Variants in PPARG observed in about 807,000 individuals in gnomAD.
PPARG encodes the protein peroxisome proliferator-activated receptor gamma.
A neutral mutation model predicts 39.2 loss-of-function variants in PPARG; 17 were observed. The ratio of observed to expected loss-of-function variants is 0.43; its 90% CI spans 0.30 to 0.65. PPARG has a LOEUF of 0.65. Among genes scored for constraint, PPARG ranks in the 30% least tolerant of loss-of-function variants. The pLI, the probability that PPARG is intolerant of heterozygous loss-of-function variation, is 0.13. For synonymous variants in PPARG, 223 were observed against 215.7 expected, an observed-to-expected ratio of 1.03 and a Z score of -0.30; for missense variants, 406 against 585.9, an observed-to-expected ratio of 0.69 and a Z score of 3.17.
intron 1 of PPARG, among the ~76,000 whole-genome samples, chr3:12,305,537 A>G (rs1188453455): frequency 1.3e-5 from 2 of 152,248 alleles, no homozygotes; most frequent in Non-Finnish European, 2.9e-5. Flanking sequence ...AAATGCAGAT[A>G]TAGCAGATGT....
At chr3:12,349,786 A>G (rs2048429044) in intron 2 of PPARG, among the ~76,000 whole-genome samples, 1 of 152,228 alleles carries the variant, frequency 6.6e-6, no homozygotes, top group Admixed American at 6.5e-5. Context: ...GTGTTATCAG[A>G]TTCTGATGCT....
intron 7 of PPARG, among the ~76,000 whole-genome samples, 178 bp from the exon 8 acceptor site, chr3:12,433,720 A>G (rs183109508): frequency 4.1e-4 from 62 of 152,230 alleles, no homozygotes; most frequent in African/African-American, 1.4e-3. Context: ...TTCTGATTCC[A>G]TCCTTAGTTC....
intron 4 of PPARG, among the ~76,000 whole-genome samples, chr3:12,389,648 T>C (rs1023760456): frequency 6.6e-5 from 10 of 152,124 alleles, no homozygotes; most frequent in Admixed American, 6.6e-4. Flanking sequence ...CTCAGGCCTT[T>C]GGGAGGCCAA....
At chr3:12,367,651 A>G (rs550135659) in intron 2 of PPARG, among the ~76,000 whole-genome samples, 7 of 151,936 alleles carry the variant, frequency 4.6e-5, no homozygotes, top group African/African-American at 1.2e-4. Flanking sequence ...GAGTTTGAGA[A>G]TAGCCTGGGC....
intron 2 of PPARG, among the ~76,000 whole-genome samples, chr3:12,321,501 A>C (rs1291630420): frequency 6.6e-6 from 1 of 152,192 alleles, no homozygotes; most frequent in Non-Finnish European, 1.5e-5. Flanking sequence ...GATCGCTGCT[A>C]CTATAAATTT....
At chr3:12,325,605 A>AT (rs1263234170) in intron 2 of PPARG, among the ~76,000 whole-genome samples, 11 of 147,700 alleles carry the variant, frequency 7.4e-5, no homozygotes, top group Admixed American at 2.0e-4. Context: ...TGTCTCAAAA[A>AT]AAAATAAATA....
At chr3:12,417,824 G>T (rs1344147285) in intron 7 of PPARG, among the ~76,000 whole-genome samples, 1 of 144,426 alleles carries the variant, frequency 6.9e-6, no homozygotes, top group Admixed American at 7.0e-5. Flanking sequence ...AGTAGTACAT[G>T]ATCTGACTAA....
chr3:12,406,111 G>A (rs1327163500), intron 6 of PPARG, 30 bp downstream of exon 6: 1 of 1,608,226 alleles, frequency 6.2e-7, no homozygotes, highest in African/African-American at 1.3e-5. Context: ...CTTCATTGGG[G>A]GAGGCGGGAA....
intron 1 of PPARG, among the ~76,000 whole-genome samples, chr3:12,308,763 G>A (rs1421178228): frequency 6.6e-6 from 1 of 152,040 alleles, no homozygotes; most frequent in East Asian, 1.9e-4. Context: ...TCTGCAAAGA[G>A]AGCCAGTTAA....
At chr3:12,313,347 A>G (rs1322015833) in intron 2 of PPARG, among the ~76,000 whole-genome samples, 1 of 152,216 alleles carries the variant, frequency 6.6e-6, no homozygotes, top group Non-Finnish European at 1.5e-5. Flanking sequence ...ACTCCCCAGT[A>G]GCAAACTAGA....
intron 1 of PPARG, among the ~76,000 whole-genome samples, chr3:12,308,957 A>G (rs1415126098): frequency 6.6e-6 from 1 of 152,208 alleles, no homozygotes; most frequent in Non-Finnish European, 1.5e-5. Flanking sequence ...AAGTTTGAGA[A>G]CCATTGAATT....
intron 2 of PPARG, among the ~76,000 whole-genome samples, chr3:12,345,658 A>G (rs1278037142): frequency 5.3e-5 from 8 of 152,188 alleles, no homozygotes; most frequent in Admixed American, 5.2e-4. Flanking sequence ...AAAAATTAAG[A>G]GTTGGAATAT....
chr3:12,338,412 A>C (rs73025230), intron 2 of PPARG, among the ~76,000 whole-genome samples: 13,322 of 152,186 alleles, frequency 0.088, 722 homozygotes, highest in Admixed American at 0.17. Context: ...CTATATAGAT[A>C]TCTCTCTCTT....
intron 3 of PPARG, 74 bp downstream of exon 3, chr3:12,380,005 A>T: frequency 8.0e-7 from 1 of 1,254,558 alleles, no homozygotes; most frequent in East Asian, 2.3e-5. Flanking sequence ...CCTGTAATAA[A>T]TAATGCTCCA....
rs535333402 is a variant in PPARG, at chr3:12,400,128, A to G, written c.530-5754A>G. On this transcript the variant is annotated intron_variant, in intron 5 of 7. Coordinates refer to ENST00000651735, the MANE Select transcript of PPARG (RefSeq NM_138711.6). ...CTTACTATTTTTCAAAAGCCTGATA[A>G]TGATTGCAAATTCATCCCTTAGATG... Among the ~76,000 whole-genome samples, 86 of 152,224 alleles carry G rather than the reference A, an allele frequency of 5.6e-4. 1 individual carries two copies. The highest frequency in any genetic ancestry group is 6.3e-4 in the Non-Finnish European group (43 of 68,034).
At chr3:12,406,765 A>G (rs2125256127) in intron 6 of PPARG, 1 of 151,816 alleles carries the variant, frequency 6.6e-6, no homozygotes, top group South Asian at 2.1e-4. Context: ...GTCTAGAGTT[A>G]CCTCTTAAGA....
intron 7 of PPARG, among the ~76,000 whole-genome samples, chr3:12,423,601 C>G (rs2051334682): frequency 2.0e-5 from 3 of 152,242 alleles, no homozygotes; most frequent in Admixed American, 1.3e-4. Context: ...CTTCCACCCC[C>G]TCTTCATCTG....
chr3:12,333,369 G>A (rs367803988), intron 2 of PPARG, among the ~76,000 whole-genome samples: 2 of 152,114 alleles, frequency 1.3e-5, no homozygotes, highest in Middle Eastern at 3.2e-3. Flanking sequence ...GGTAATGTAG[G>A]GCTTCCAGCT....
intron 1 of PPARG, chr3:12,301,518 T>C (rs2046925655): frequency 6.6e-6 from 1 of 152,204 alleles, no homozygotes; most frequent in African/African-American, 2.4e-5. Context: ...TCTCCTTTTA[T>C]AGGGTAGATA....
Sources: allele counts gnomAD v4.1 joint callset (sites outside exome capture counted in the v4.1 genomes callset), GRCh38; gene constraint gnomAD v4.1.1; transcripts MANE v1.5; gene names NCBI Gene and HGNC (gene_info 2026-07-23, HGNC 2026-07-21).